The following ZSCAN5C variants were observed in gnomAD, a reference collection of about 807,000 sequenced individuals.
The protein encoded by ZSCAN5C is zinc finger and SCAN domain containing 5C.
Under a neutral mutation model 17.3 loss-of-function variants are expected in ZSCAN5C, and 11 were observed. The ratio of observed to expected loss-of-function variants is 0.64; its 90% CI spans 0.40 to 1.06. ZSCAN5C has a LOEUF of 1.06. ZSCAN5C is among the 50% of genes least tolerant of loss of function. The pLI is 0.00. For missense variants in ZSCAN5C, 698 were observed against 538.9 expected (o/e 1.30, Z -2.92); for synonymous variants, 229 against 208.4 (o/e 1.10, Z -0.85).
intron 2 of ZSCAN5C, 33 bp from the exon 3 acceptor site, chr19:56,207,026 T>C (rs2032928865): frequency 5.7e-6 from 4 of 698,354 alleles, no homozygotes; most frequent in East Asian, 5.4e-5. Context: ...CAGGTTCTCA[T>C]AGTTAGTCTG....
In ZSCAN5C at chr19:56,206,136, C is replaced by A. The variant is rs576114932; in HGVS notation, c.223C>A (p.Pro75Thr). Residue 75 changes from proline (P) to threonine (T), a missense_variant, in exon 2 of 5, where the codon CCC becomes ACC. Pro to Thr is a conservative substitution (Grantham distance 38, BLOSUM62 -1). Transcript: ENST00000534327. ...TGAGCTGTGCCATCTGTGGCTGAGG[C>A]CCGACCTCCACACCAAAGAGCAGAT... The A allele has an allele frequency of 1.4e-5, 22 of 1,603,264 alleles. 1 individual carries two copies. Among genetic ancestry groups the A allele is most frequent in the Non-Finnish European group, 1.9e-5 (22 of 1,172,858 alleles).
exon 4 of ZSCAN5C, chr19:56,208,184 A>T (rs1198244723): frequency 2.6e-6 from 2 of 778,596 alleles, no homozygotes; most frequent in Admixed American, 3.4e-5. Context: ...AAACAGTCCC[A>T]GTAAGTATGA....
At chr19:56,207,499 C>G (rs557028422) in intron 3 of ZSCAN5C, among the ~76,000 whole-genome samples, 1 of 151,348 alleles carries the variant, frequency 6.6e-6, no homozygotes, top group African/African-American at 2.4e-5. Flanking sequence ...GAAATGGTCT[C>G]GGTGAAATAA....
Position 56,207,038 on chromosome 19 carries a change from T to C in ZSCAN5C, c.385-21T>C, listed in dbSNP as rs1003519470. ...TTTCAGGTTCTCATAGTTAGTCTGA[T>C]TGCTTTTTTTCTCTCTATAGTCTGT... On this transcript the variant is annotated intron_variant, in intron 2 of 4. Coordinates refer to ENST00000534327, the Ensembl canonical transcript of ZSCAN5C. 20 of 702,938 alleles carry C rather than the reference T, an allele frequency of 2.8e-5. No homozygotes were observed. In the African/African-American group the frequency reaches 3.0e-4, roughly 10 times the overall value. The allele number at this position is 702,938 out of a possible 1,614,324, so 43.5% of individuals were successfully genotyped here. A position where few individuals can be genotyped will look rare whatever the true frequency, so the allele number is the denominator to read the frequency against.
chr19:56,207,282 G>C lies in ZSCAN5C; in HGVS notation c.588+20G>C, dbSNP rs148554365. 1.9e-3 allele frequency: 1,458 copies of C among 766,122 alleles called. 48 individuals carry two copies. The African/African-American group carries it at 0.021, about 11-fold the overall frequency. The allele number at this position is 766,122 out of a possible 1,614,324, so 47.5% of individuals were successfully genotyped here. ...AGGCAGGTGGGTGTGTGAGGCCTTGGTGTCTGGGCAGAGGTGGGAGAAGGA... is the reference window on the plus strand; with the variant it reads ...AGGCAGGTGGGTGTGTGAGGCCTTGCTGTCTGGGCAGAGGTGGGAGAAGGA... On this transcript the variant is annotated intron_variant, in intron 3 of 4. Transcript: ENST00000534327.
exon 2 of ZSCAN5C, chr19:56,205,954 C>A (rs1266664590): frequency 2.1e-6 from 3 of 1,397,844 alleles, no homozygotes; most frequent in African/African-American, 1.4e-5. Context: ...CTAGGAGAAT[C>A]CTGCAACAGC....
rs926102622 is a variant in ZSCAN5C at position 56,208,984 on chromosome 19, C to T, written c.1275C>T (p.Ser425=). ...GCCAGAAGCAGTTCACCCAGAAGTC[C>T]TACTTGAAGTGTCACAAGAGAAGCC... Residue 425 remains serine, a synonymous_variant, in exon 5 of 5, where the codon TCC becomes TCT. Transcript: ENST00000534327. 11 of 1,613,350 alleles carry T rather than the reference C, an allele frequency of 6.8e-6. No individual in the cohort carries two copies. The African/African-American group carries it at 1.3e-4, about 20-fold the overall frequency.
At chr19:56,207,506 A>G (rs1280431019) in intron 3 of ZSCAN5C, among the ~76,000 whole-genome samples, 4 of 151,652 alleles carry the variant, frequency 2.6e-5, no homozygotes, top group Admixed American at 2.6e-4. Flanking sequence ...TCTCGGTGAA[A>G]TAACGGAGGC....
At chr19:56,207,283 T>G (rs1360989099) in intron 3 of ZSCAN5C, 21 bp downstream of exon 3, 1 of 765,266 alleles carries the variant, frequency 1.3e-6, no homozygotes, top group Non-Finnish European at 2.4e-6. Flanking sequence ...GAGGCCTTGG[T>G]GTCTGGGCAG....
At chr19:56,208,807 G>C in exon 5 of ZSCAN5C, 1 of 1,571,144 alleles carries the variant, frequency 6.4e-7, no homozygotes, top group Non-Finnish European at 8.7e-7. Context: ...AGAGGTTTAA[G>C]TATCGCGGCA....
intron 1 of ZSCAN5C, among the ~76,000 whole-genome samples, chr19:56,202,611 G>A (rs2032883568): frequency 6.6e-6 from 1 of 151,864 alleles, no homozygotes; most frequent in South Asian, 2.1e-4. Flanking sequence ...TTAGAGATGA[G>A]ATCTCTCTCA....
rs114471969 is a variant in ZSCAN5C, at chr19:56,207,277, C to T, written c.588+15C>T. On this transcript the variant is annotated intron_variant, in intron 3 of 4. Coordinates refer to ENST00000534327, the Ensembl canonical transcript of ZSCAN5C. ...TCAGGAGGCAGGTGGGTGTGTGAGG[C>T]CTTGGTGTCTGGGCAGAGGTGGGAG... is the stretch of plus-strand genomic sequence containing the variant. 1.0e-3 allele frequency: 770 copies of T among 769,542 alleles called. 20 individuals carry two copies. In the African/African-American group the frequency reaches 0.012, roughly 12 times the overall value. The allele number at this position is 769,542 out of a possible 1,614,324, so 47.7% of individuals were successfully genotyped here.
At chr19:56,207,431 A>G (rs1396310615) in intron 3 of ZSCAN5C, among the ~76,000 whole-genome samples, 169 bp downstream of exon 3, 1 of 151,678 alleles carries the variant, frequency 6.6e-6, no homozygotes, top group Non-Finnish European at 1.5e-5. Context: ...CAGAGAGGGA[A>G]GCTTCATCTA....
chr19:56,209,135 G>A, exon 5 of ZSCAN5C: 1 of 1,507,564 alleles, frequency 6.6e-7, no homozygotes. Context: ...GTGTCCAAGA[G>A]CCTTCGGTCG....
chr19:56,207,301 A>G, intron 3 of ZSCAN5C, 39 bp downstream of exon 3: 1 of 740,710 alleles, frequency 1.4e-6, no homozygotes, highest in South Asian at 1.4e-5. Context: ...CAGAGGTGGG[A>G]GAAGGAACGG....
In ZSCAN5C at chr19:56,208,890, T is replaced by C. The variant is rs759701276; in HGVS notation, c.1181T>C (p.Met394Thr). The C allele has an allele frequency of 3.7e-6, 6 of 1,602,720 alleles. No individual in the cohort carries two copies. The Admixed American group carries it at 5.1e-5, about 14-fold the overall frequency. Residue 394 changes from methionine to threonine, a missense_variant, in exon 5 of 5, where the codon ATG becomes ACG. This residue lies in a region of ZSCAN5C where 554 missense variants were observed against 390.5 expected (regional missense o/e 1.42). Transcript: ENST00000534327. ...TGTAATCTCTGCGGGAAGCGCTTCA[T>C]GCAGCGCATAGGCCTGCAATTTCAC...
At chr19:56,209,024 C>A (rs768782420) in exon 5 of ZSCAN5C, 1 of 1,612,512 alleles carries the variant, frequency 6.2e-7, no homozygotes, top group Non-Finnish European at 8.5e-7. Context: ...AGGGGAGAAG[C>A]CCTTCGAATG....
At chr19:56,207,790 G>C (rs375580769) in intron 3 of ZSCAN5C, among the ~76,000 whole-genome samples, 11 of 151,786 alleles carry the variant, frequency 7.2e-5, no homozygotes, top group Non-Finnish European at 1.2e-4. Context: ...CTCCAGGAGG[G>C]TGATGCAGCC....
At chr19:56,208,318 G>A in intron 4 of ZSCAN5C, 131 bp from the exon 5 acceptor site, 1 of 714,232 alleles carries the variant, frequency 1.4e-6, no homozygotes, top group Non-Finnish European at 2.4e-6. Context: ...ACTCTCCAGA[G>A]ACCTACAGTC....
Sources: gnomAD v4.1 joint callset for allele counts (sites outside exome capture counted in the v4.1 genomes callset) on GRCh38, gnomAD v4.1.1 for gene constraint, gnomAD v4.1.1 regional missense constraint, MANE v1.5 for transcripts, NCBI Gene and HGNC (gene_info 2026-07-23, HGNC 2026-07-21) for gene names.